ADAMTS9: variants seen among roughly 807,000 people sequenced by gnomAD.
The protein encoded by ADAMTS9 is ADAM metallopeptidase with thrombospondin type 1 motif 9.
ADAMTS9 carries 107 observed loss-of-function variants against 257.1 expected under a neutral mutation model. The ratio of observed to expected loss-of-function variants is 0.42; its 90% CI spans 0.36 to 0.49. The LOEUF (loss-of-function observed/expected upper bound fraction) is 0.49. Ranked by LOEUF, ADAMTS9 falls within the 20% of genes least tolerant of loss-of-function variation. ADAMTS9 has a pLI of 0.03. For missense variants in ADAMTS9, 2,353 were observed against 2,469.1 expected (o/e 0.95, Z 1.00); for synonymous variants, 982 against 880.9 (o/e 1.11, Z -2.03).
In ADAMTS9 at chr3:64,658,270, T is replaced by C. The variant is rs75894469; in HGVS notation, c.969+232A>G. Among the ~76,000 whole-genome samples, 218 of 152,352 alleles carry C rather than the reference T, an allele frequency of 1.4e-3. 5 individuals carry two copies. The East Asian group carries it at 0.036, about 25-fold the overall frequency. On this transcript the variant is annotated intron_variant, in intron 4 of 39. Coordinates refer to ENST00000498707, the MANE Select transcript of ADAMTS9 (RefSeq NM_182920.2). ...GCGTTGCCAGAAGGATTCAAAATTA[T>C]ACCTTTTAAGTAAGAAGCACATTGT...
At chr3:64,622,638 G>C (rs1267952912) in intron 16 of ADAMTS9, 52 bp from the exon 17 acceptor site, 1 of 1,585,250 alleles carries the variant, frequency 6.3e-7, no homozygotes, top group Non-Finnish European at 8.6e-7. Flanking sequence ...ATGACTAGCT[G>C]TTTGAAATAT....
chr3:64,565,771 T>C (rs1275270919), intron 29 of ADAMTS9: 1 of 152,196 alleles, frequency 6.6e-6, no homozygotes, highest in Non-Finnish European at 1.5e-5. Flanking sequence ...CCTTAGCTCT[T>C]GATTAAAAAT....
chr3:64,517,416 G>GTTTTTTCTTTTTTTTTTTT lies in ADAMTS9; in HGVS notation c.*6-296_*6-295insAAAAAAAAAAAAGAAAAAA. On this transcript the variant is annotated intron_variant, in intron 39 of 39. Transcript: ENST00000498707. ...CATCAAGCCCAGCTAATTAAAAATG[G>GTTTTTTCTTTTTTTTTTTT]TTTTTTTTTTTTTTTTTTTTTTTGC... is the stretch of plus-strand genomic sequence containing the variant. 3.8e-5 allele frequency among the ~76,000 whole-genome samples: 2 copies of GTTTTTTCTTTTTTTTTTTT among 52,638 alleles called. 1 individual carries two copies. The highest frequency in any genetic ancestry group is 7.6e-5 in the Non-Finnish European group (2 of 26,242). The allele number at this position is 52,638 out of a possible 152,430, so 34.5% of individuals were successfully genotyped here.
In ADAMTS9 at chr3:64,559,467, C is replaced by T. The variant is rs574109526; in HGVS notation, c.4698+2111G>A. Among the ~76,000 whole-genome samples the T allele has an allele frequency of 3.9e-5, 6 of 152,288 alleles. No individual in the cohort carries two copies. In the East Asian group the frequency reaches 1.2e-3, roughly 29 times the overall value. On this transcript the variant is annotated intron_variant, in intron 30 of 39. Transcript: ENST00000498707. ...CTTTGGGTGAAGGCAGATGAGAAAG[C>T]GTGTTCCCAGGAGGGTGACTATTAG...
At chr3:64,598,631 C>T (rs1225701343) in intron 26 of ADAMTS9, among the ~76,000 whole-genome samples, 5 of 152,062 alleles carry the variant, frequency 3.3e-5, no homozygotes, top group Non-Finnish European at 7.4e-5. Flanking sequence ...TACTTCCTAC[C>T]TTCCTACTTT....
intron 22 of ADAMTS9, among the ~76,000 whole-genome samples, chr3:64,608,699 T>C (rs547733081): frequency 3.7e-4 from 56 of 151,984 alleles, no homozygotes; most frequent in African/African-American, 1.2e-3. Flanking sequence ...TTACCAAACA[T>C]TTAAATAAAC....
intron 11 of ADAMTS9, among the ~76,000 whole-genome samples, chr3:64,644,554 T>C (rs927531917): frequency 7.2e-5 from 11 of 152,194 alleles, no homozygotes; most frequent in Non-Finnish European, 1.5e-5. Flanking sequence ...TCCCTACGGA[T>C]AGAGGTGGTC....
At chr3:64,601,373 C>G (rs1271642867) in intron 26 of ADAMTS9, among the ~76,000 whole-genome samples, 1 of 152,136 alleles carries the variant, frequency 6.6e-6, no homozygotes, top group Non-Finnish European at 1.5e-5. Flanking sequence ...AAGTGTAAGT[C>G]ATTGGATCAA....
At chr3:64,537,118 C>A (rs941558154) in intron 37 of ADAMTS9, among the ~76,000 whole-genome samples, 2 of 152,138 alleles carry the variant, frequency 1.3e-5, no homozygotes, top group Non-Finnish European at 2.9e-5. Context: ...GAATTGAATT[C>A]TTAAAGTACC....
intron 3 of ADAMTS9, among the ~76,000 whole-genome samples, chr3:64,674,877 TATTAATGGGATCC>T (rs1450286613): frequency 6.6e-6 from 1 of 152,180 alleles, no homozygotes; most frequent in African/African-American, 2.4e-5. Flanking sequence ...TATGCTAAAT[TATTAATGGGATCC>T]AAGAGGTTAA....
At chr3:64,533,088 A>T in intron 38 of ADAMTS9, 78 bp downstream of exon 38, 1 of 1,321,344 alleles carries the variant, frequency 7.6e-7, no homozygotes, top group Non-Finnish European at 1.1e-6. Flanking sequence ...CTCCTTCAGC[A>T]CCACTACCAC....
intron 19 of ADAMTS9, among the ~76,000 whole-genome samples, chr3:64,619,504 G>T (rs1023772399): frequency 1.3e-5 from 2 of 152,016 alleles, no homozygotes; most frequent in East Asian, 3.9e-4. Context: ...TTTGTTTAAC[G>T]ACTCTCAGCC....
chr3:64,682,943 T>C (rs1224684319), intron 2 of ADAMTS9, among the ~76,000 whole-genome samples: 1 of 152,196 alleles, frequency 6.6e-6, no homozygotes, highest in Admixed American at 6.5e-5. Flanking sequence ...TACTCACAGA[T>C]TCAGAATTTC....
intron 11 of ADAMTS9, among the ~76,000 whole-genome samples, chr3:64,642,459 G>A (rs1314970643): frequency 6.7e-6 from 1 of 150,034 alleles, no homozygotes; most frequent in Non-Finnish European, 1.5e-5. Context: ...AAAAAAAAGC[G>A]AGTTACATGA....
At chr3:64,538,393 G>A (rs529334807) in intron 37 of ADAMTS9, among the ~76,000 whole-genome samples, 8 of 151,154 alleles carry the variant, frequency 5.3e-5, no homozygotes, top group Admixed American at 2.6e-4. Context: ...AGATCTCCCC[G>A]TCCAACTTTT....
At chr3:64,654,785 G>C (rs1701021610) in intron 6 of ADAMTS9, 173 bp from the exon 7 acceptor site, 1 of 639,542 alleles carries the variant, frequency 1.6e-6, no homozygotes, top group African/African-American at 1.8e-5. Context: ...TGGAATTGTT[G>C]ATTTAAGAAT....
chr3:64,658,485 C>T lies in ADAMTS9; in HGVS notation c.969+17G>A, dbSNP rs749949249. On this transcript the variant is annotated intron_variant, in intron 4 of 39. Coordinates refer to ENST00000498707, the MANE Select transcript of ADAMTS9 (RefSeq NM_182920.2). ...ATTTAGAGACCTCATAAATCACCTTCGTTTGAATGTACTTACAATTGACAT... is the reference window on the plus strand; with the variant it reads ...ATTTAGAGACCTCATAAATCACCTTTGTTTGAATGTACTTACAATTGACAT... The T allele has an allele frequency of 3.7e-6, 6 of 1,601,478 alleles. No individual in the cohort carries two copies. The East Asian group carries it at 8.9e-5, about 24-fold the overall frequency.
intron 31 of ADAMTS9, among the ~76,000 whole-genome samples, chr3:64,547,610 T>C (rs1034116040): frequency 6.0e-5 from 9 of 150,128 alleles, no homozygotes; most frequent in Non-Finnish European, 1.2e-4. Context: ...TCTCCCAGGT[T>C]CAAGTGATTC....
At chr3:64,587,988 C>A (rs2084191356) in intron 28 of ADAMTS9, 1 of 152,128 alleles carries the variant, frequency 6.6e-6, no homozygotes, top group Non-Finnish European at 1.5e-5. Flanking sequence ...CTCATCCTGG[C>A]TCTCAGACCA....
Sources: gnomAD v4.1 joint callset for allele counts (sites outside exome capture counted in the v4.1 genomes callset) on GRCh38, gnomAD v4.1.1 for gene constraint, MANE v1.5 for transcripts, NCBI Gene and HGNC (gene_info 2026-07-23, HGNC 2026-07-21) for gene names.